The following DTD1 variants were observed in gnomAD, a reference collection of about 807,000 sequenced individuals.
The protein encoded by DTD1 is D-aminoacyl-tRNA deacylase 1, also known as D-tyrosyl-tRNA deacylase 1 homolog.
Under a neutral mutation model 25.6 loss-of-function variants are expected in DTD1, and 13 were observed. The ratio of observed to expected loss-of-function variants is 0.51; its 90% CI spans 0.33 to 0.81. The LOEUF (loss-of-function observed/expected upper bound fraction) is 0.81, where lower values mean the gene tolerates loss of function less well. Among genes scored for constraint, DTD1 ranks in the 30% least tolerant of loss-of-function variants. The pLI is 0.02. For missense variants in DTD1, 193 were observed against 266.4 expected (o/e 0.72, Z 1.92); for synonymous variants, 110 against 103.6 (o/e 1.06, Z -0.37).
chr20:18,665,261 C>A (rs1315335635), intron 4 of DTD1, among the ~76,000 whole-genome samples: 2 of 152,142 alleles, frequency 1.3e-5, no homozygotes, highest in African/African-American at 4.8e-5. Flanking sequence ...TGCCCAGTGT[C>A]TGCTTCTGTG....
chr20:18,620,552 T>C (rs1310319710), intron 3 of DTD1, among the ~76,000 whole-genome samples: 1 of 152,212 alleles, frequency 6.6e-6, no homozygotes. Flanking sequence ...ATTTTTATTT[T>C]TAAAAATTTT....
chr20:18,685,532 G>A (rs1355633851), intron 4 of DTD1, among the ~76,000 whole-genome samples: 1 of 152,146 alleles, frequency 6.6e-6, no homozygotes, highest in Non-Finnish European at 1.5e-5. Context: ...AGGAGTGACT[G>A]AGCCCTGCGC....
intron 4 of DTD1, among the ~76,000 whole-genome samples, chr20:18,641,244 C>A (rs945786796): frequency 1.3e-5 from 2 of 152,148 alleles, no homozygotes; most frequent in African/African-American, 2.4e-5. Context: ...ATTCGTTTAT[C>A]CATGCACACT....
chr20:18,718,740 A>T (rs958792758), intron 4 of DTD1, among the ~76,000 whole-genome samples: 2 of 152,336 alleles, frequency 1.3e-5, no homozygotes, highest in Non-Finnish European at 1.5e-5. Context: ...ATTCTTAAAA[A>T]GAGATTGGCT....
At chr20:18,757,877 T>G (rs981591221) in intron 5 of DTD1, among the ~76,000 whole-genome samples, 1 of 152,244 alleles carries the variant, frequency 6.6e-6, no homozygotes, top group Admixed American at 6.5e-5. Flanking sequence ...TCTGGTAGGA[T>G]TCAGCTGTGA....
At chr20:18,730,259 G>T (rs879700782) in intron 4 of DTD1, among the ~76,000 whole-genome samples, 5 of 152,130 alleles carry the variant, frequency 3.3e-5, no homozygotes, top group South Asian at 2.1e-4. Context: ...AACCAGTGCA[G>T]TGAACATCCT....
At chr20:18,670,142 G>T (rs897028862) in intron 4 of DTD1, among the ~76,000 whole-genome samples, 2 of 152,146 alleles carry the variant, frequency 1.3e-5, no homozygotes, top group Admixed American at 6.5e-5. Context: ...CCGCTTGTTA[G>T]CGCTCTCATT....
intron 3 of DTD1, among the ~76,000 whole-genome samples, chr20:18,621,797 G>T (rs2060735267): frequency 6.6e-6 from 1 of 152,096 alleles, no homozygotes; most frequent in African/African-American, 2.4e-5. Context: ...AGGCGTGGTG[G>T]CTCACGCCTG....
rs566351578 is a variant in DTD1, at chr20:18,660,251, G to A, written c.477+32018G>A. 8.1e-4 allele frequency among the ~76,000 whole-genome samples: 123 copies of A among 152,244 alleles called. 1 individual carries two copies. The highest frequency in any genetic ancestry group is 2.5e-3 in the African/African-American group (105 of 41,546). The stretch of plus-strand genomic sequence containing the variant: ...TTTTTATTTTTTGAGATAGGGTCTC[G>A]TTCTGTTGCCCAGGCTGGAGTGTAG... On this transcript the variant is annotated intron_variant, in intron 4 of 5. Coordinates refer to ENST00000377452, the MANE Select transcript of DTD1 (RefSeq NM_080820.6).
intron 4 of DTD1, among the ~76,000 whole-genome samples, chr20:18,684,396 C>T (rs901271519): frequency 4.6e-5 from 7 of 152,044 alleles, no homozygotes; most frequent in Middle Eastern, 3.2e-3. Context: ...AAGCGATTCT[C>T]GTGCCTCAGC....
At chr20:18,613,322 G>A (rs962520697) in intron 3 of DTD1, among the ~76,000 whole-genome samples, 1 of 152,200 alleles carries the variant, frequency 6.6e-6, no homozygotes, top group Non-Finnish European at 1.5e-5. Context: ...CTAAACTAGT[G>A]TGGCTGTTTC....
At chr20:18,613,724 G>A (rs1372312964) in intron 3 of DTD1, among the ~76,000 whole-genome samples, 1 of 152,164 alleles carries the variant, frequency 6.6e-6, no homozygotes, top group Admixed American at 6.5e-5. Flanking sequence ...GGGAGTGTTA[G>A]GGATGAATAA....
intron 4 of DTD1, among the ~76,000 whole-genome samples, chr20:18,686,671 T>TGTGTGTG (rs2061018043): frequency 6.6e-6 from 1 of 151,792 alleles, no homozygotes; most frequent in Non-Finnish European, 1.5e-5. Flanking sequence ...TGTGTGTGTG[T>TGTGTGTG]GTGTGGTGTG....
intron 4 of DTD1, among the ~76,000 whole-genome samples, chr20:18,653,488 G>T (rs906366238): frequency 6.6e-6 from 1 of 152,172 alleles, no homozygotes; most frequent in African/African-American, 2.4e-5. Context: ...TGATTTTTGA[G>T]TGTGAAATAA....
At chr20:18,705,114 A>G (rs541247319) in intron 4 of DTD1, among the ~76,000 whole-genome samples, 1 of 152,336 alleles carries the variant, frequency 6.6e-6, no homozygotes, top group Admixed American at 6.5e-5. Context: ...CAAAGATAGG[A>G]CATTTCCATC....
rs1031001873 is a variant in DTD1 at position 18,626,742 on chromosome 20, ATAGT to A, written c.371-1383_371-1380del. 1.0e-3 allele frequency among the ~76,000 whole-genome samples: 159 copies of A among 152,284 alleles called. 1 individual carries two copies. The highest frequency in any genetic ancestry group is 3.4e-3 in the African/African-American group (142 of 41,526). ...ATCTGTACGGATGGAAATTCACATA[ATAGT>A]TCTATTCTTAACTGAAGAAAAACAG... On this transcript the variant is annotated intron_variant, in intron 3 of 5. Transcript: ENST00000377452.
chr20:18,625,460 G>A (rs1296069185), intron 3 of DTD1, among the ~76,000 whole-genome samples: 1 of 152,220 alleles, frequency 6.6e-6, no homozygotes, highest in Non-Finnish European at 1.5e-5. Context: ...TGGTTCACTG[G>A]CACTGGCCCA....
In DTD1 at chr20:18,759,001, G is replaced by A. The variant is rs189552273; in HGVS notation, c.*20-4359G>A. 7.8e-4 allele frequency among the ~76,000 whole-genome samples: 119 copies of A among 152,232 alleles called. No individual in the cohort carries two copies. In the East Asian group the frequency reaches 8.1e-3, roughly 10 times the overall value. ...TTACCATTATGTAATGGCCTTCTTC[G>A]TCTCTTTTGATCTTTGTTGGTTTAA... On this transcript the variant is annotated intron_variant, in intron 5 of 5. Coordinates refer to ENST00000377452, the MANE Select transcript of DTD1 (RefSeq NM_080820.6).
intron 5 of DTD1, among the ~76,000 whole-genome samples, chr20:18,761,193 G>A (rs953658672): frequency 1.8e-4 from 27 of 152,058 alleles, no homozygotes; most frequent in African/African-American, 5.1e-4. Flanking sequence ...CGGGCGAGGC[G>A]ATGCCTCGCC....
Sources: allele counts gnomAD v4.1 joint callset (sites outside exome capture counted in the v4.1 genomes callset), GRCh38; gene constraint gnomAD v4.1.1; transcripts MANE v1.5; gene names NCBI Gene and HGNC (gene_info 2026-07-23, HGNC 2026-07-21).